LRRC7: variants seen among roughly 807,000 people sequenced by gnomAD.
LRRC7 encodes leucine rich repeat containing 7, also known as leucine-rich repeat-containing protein 7.
LRRC7 carries 23 observed loss-of-function variants against 175.7 expected under a neutral mutation model. That is an observed-to-expected ratio of 0.13 (90% CI 0.09 to 0.19). The LOEUF is 0.19. Ranked by LOEUF, LRRC7 falls within the 10% of genes least tolerant of loss-of-function variation. The probability of loss-of-function intolerance (pLI) is 1.00; values close to 1 mark genes in which losing one functional copy is unlikely to be tolerated. For missense variants in LRRC7, 1,354 were observed against 1,904.7 expected (o/e 0.71, Z 5.38); for synonymous variants, 685 against 680.9 (o/e 1.01, Z -0.09).
At chr1:69,973,920 G>A (rs1652539608) in intron 8 of LRRC7, among the ~76,000 whole-genome samples, 1 of 152,044 alleles carries the variant, frequency 6.6e-6, no homozygotes, top group Non-Finnish European at 1.5e-5. Context: ...GTTTTAAAGA[G>A]AAAAAACACT....
intron 7 of LRRC7, among the ~76,000 whole-genome samples, chr1:69,841,547 G>A (rs1681730207): frequency 6.6e-6 from 1 of 152,058 alleles, no homozygotes; most frequent in Admixed American, 6.6e-5. Context: ...AAATGCATCA[G>A]ATGCAGAAGG....
At chr1:69,706,945 G>A (rs1403279665) in intron 2 of LRRC7, among the ~76,000 whole-genome samples, 1 of 152,088 alleles carries the variant, frequency 6.6e-6, no homozygotes, top group African/African-American at 2.4e-5. Flanking sequence ...GCCTTATGAT[G>A]CTCACAGTCT....
At chr1:69,825,706 T>G (rs935790335) in intron 4 of LRRC7, 42 bp from the exon 5 acceptor site, 9 of 1,296,472 alleles carry the variant, frequency 6.9e-6, no homozygotes, top group Non-Finnish European at 9.9e-6. Flanking sequence ...AAAGAATATT[T>G]GTTGGAACAT....
intron 1 of LRRC7, among the ~76,000 whole-genome samples, chr1:69,597,457 A>G (rs1442868171): frequency 1.3e-5 from 2 of 152,220 alleles, no homozygotes; most frequent in Non-Finnish European, 2.9e-5. Flanking sequence ...TAGTACTACT[A>G]TTACATACGG....
chr1:70,103,505 G>A (rs982614894), intron 25 of LRRC7, among the ~76,000 whole-genome samples: 1 of 152,094 alleles, frequency 6.6e-6, no homozygotes, highest in South Asian at 2.1e-4. Flanking sequence ...CTAGGAATGT[G>A]GACATTTCCT....
At chr1:69,710,295 A>AAG (rs1553144277) in intron 2 of LRRC7, among the ~76,000 whole-genome samples, 19 of 150,498 alleles carry the variant, frequency 1.3e-4, no homozygotes, top group African/African-American at 2.0e-4. Flanking sequence ...AAAAAAAAAA[A>AAG]AAAGAAAGAA....
At chr1:69,758,823 G>T (rs1232202013) in intron 2 of LRRC7, among the ~76,000 whole-genome samples, 1 of 151,884 alleles carries the variant, frequency 6.6e-6, no homozygotes, top group Non-Finnish European at 1.5e-5. Context: ...GACTTAACAT[G>T]AGCAATTTTA....
intron 7 of LRRC7, among the ~76,000 whole-genome samples, chr1:69,841,598 A>G (rs1681738510): frequency 6.6e-6 from 1 of 152,052 alleles, no homozygotes; most frequent in Non-Finnish European, 1.5e-5. Context: ...TCTTCTTTAT[A>G]CCATTTCATT....
chr1:70,020,970 TA>T, intron 15 of LRRC7, 34 bp from the exon 16 acceptor site: 1 of 1,565,392 alleles, frequency 6.4e-7, no homozygotes, highest in South Asian at 1.2e-5. Context: ...AATTGTTTTT[TA>T]AAAAAACAAT....
intron 24 of LRRC7, among the ~76,000 whole-genome samples, chr1:70,078,791 T>C (rs1015847578): frequency 7.5e-6 from 1 of 132,768 alleles, no homozygotes; most frequent in African/African-American, 3.4e-5. Flanking sequence ...GTTCTACATA[T>C]ACGCGCGCGC....
chr1:69,730,481 G>T (rs557604634), intron 2 of LRRC7, among the ~76,000 whole-genome samples: 4 of 152,176 alleles, frequency 2.6e-5, no homozygotes, highest in African/African-American at 9.6e-5. Flanking sequence ...CAGTCTCTTT[G>T]CTTAGCAAGA....
intron 1 of LRRC7, among the ~76,000 whole-genome samples, chr1:69,586,847 T>TTCTTAGCTTTTTCTTAGCA (rs1646423352): frequency 7.1e-6 from 1 of 141,498 alleles, no homozygotes; most frequent in African/African-American, 2.4e-5. Flanking sequence ...AAAGCTGAGA[T>TTCTTAGCTTTTTCTTAGCA]TCTAAGAAAT....
intron 7 of LRRC7, among the ~76,000 whole-genome samples, chr1:69,849,314 TA>T: frequency 6.6e-6 from 1 of 152,146 alleles, no homozygotes; most frequent in East Asian, 1.9e-4. Flanking sequence ...GCACTGTAGA[TA>T]AATGAATTAT....
chr1:69,597,532 G>A (rs1428733457), intron 1 of LRRC7, among the ~76,000 whole-genome samples: 1 of 152,090 alleles, frequency 6.6e-6, no homozygotes, highest in Non-Finnish European at 1.5e-5. Context: ...AATGAGACTG[G>A]TCTCACTAGC....
At chr1:69,836,690 A>T (rs569141342) in intron 6 of LRRC7, among the ~76,000 whole-genome samples, 1 of 152,014 alleles carries the variant, frequency 6.6e-6, no homozygotes, top group African/African-American at 2.4e-5. Flanking sequence ...GAGATTCTGT[A>T]CTCCTAAAAG....
chr1:69,613,275 A>G (rs1333039549), intron 1 of LRRC7, among the ~76,000 whole-genome samples: 1 of 152,040 alleles, frequency 6.6e-6, no homozygotes, highest in African/African-American at 2.4e-5. Flanking sequence ...GGCAGAGATC[A>G]GAGAAAGAAC....
intron 8 of LRRC7, among the ~76,000 whole-genome samples, chr1:69,936,362 T>C (rs1450060087): frequency 6.6e-6 from 1 of 152,196 alleles, no homozygotes; most frequent in Non-Finnish European, 1.5e-5. Flanking sequence ...ATTTCTATCA[T>C]ATCAAACCTT....
At chr1:69,799,569 T>G (rs1569966573) in intron 4 of LRRC7, among the ~76,000 whole-genome samples, 1 of 152,148 alleles carries the variant, frequency 6.6e-6, no homozygotes, top group East Asian at 1.9e-4. Flanking sequence ...AGACTAATAT[T>G]CCATTGTATT....
At chr1:69,964,133 A>C (rs1651420093) in intron 8 of LRRC7, among the ~76,000 whole-genome samples, 1 of 152,112 alleles carries the variant, frequency 6.6e-6, no homozygotes, top group South Asian at 2.1e-4. Flanking sequence ...CCCTCCCCAT[A>C]TATTAGCTGT....
Sources: gnomAD v4.1 joint callset for allele counts (sites outside exome capture counted in the v4.1 genomes callset) on GRCh38, gnomAD v4.1.1 for gene constraint, MANE v1.5 for transcripts, NCBI Gene and HGNC (gene_info 2026-07-23, HGNC 2026-07-21) for gene names.